HDC: variants seen among roughly 807,000 people sequenced by gnomAD.
HDC encodes the protein histidine decarboxylase.
Under a neutral mutation model 64.4 loss-of-function variants are expected in HDC, and 27 were observed. The ratio of observed to expected loss-of-function variants is 0.42; its 90% confidence interval spans 0.31 to 0.58. HDC has a LOEUF of 0.58. HDC is among the 20% of genes least tolerant of loss of function. The probability of loss-of-function intolerance (pLI) is 0.16; values close to 1 mark genes in which losing one functional copy is unlikely to be tolerated. For synonymous variants in HDC, 305 were observed against 314.2 expected (o/e 0.97, Z 0.31); for missense variants, 711 against 833.9 (o/e 0.85, Z 1.81).
chr15:50,252,323 T>A, intron 9 of HDC, 107 bp downstream of exon 9: 1 of 811,730 alleles, frequency 1.2e-6, no homozygotes, highest in Admixed American at 1.8e-5. Context: ...GAGCTCATAG[T>A]GTGCTGCCTT....
chr15:50,242,129 T>G lies in HDC; in HGVS notation c.*131A>C. On this transcript the variant is annotated 3_prime_UTR_variant, in exon 12 of 12. Transcript: ENST00000267845. ...TGTGGGTCATGAACCCCTATGAGAA[T>G]TTGATTAAAATTATGAACTCGCCCC... is the stretch of plus-strand genomic sequence containing the variant. 1 of 814,542 alleles carries G rather than the reference T, an allele frequency of 1.2e-6. No homozygotes were observed. Among genetic ancestry groups the G allele is most frequent in the South Asian group, 1.4e-5 (1 of 70,678 alleles). 50.5% of individuals were successfully genotyped at this position (814,542 alleles called of 1,614,324 possible). A position where few individuals can be genotyped will look rare whatever the true frequency, so the allele number is the denominator to read the frequency against.
intron 9 of HDC, among the ~76,000 whole-genome samples, chr15:50,252,141 T>TGGTA (rs560924925): frequency 6.2e-4 from 95 of 152,236 alleles, no homozygotes; most frequent in African/African-American, 2.2e-3. Flanking sequence ...GGTCCACCTG[T>TGGTA]GGTAGGAAGA....
intron 4 of HDC, 46 bp from the exon 5 acceptor site, chr15:50,254,710 G>A (rs771685226): frequency 1.2e-6 from 2 of 1,602,250 alleles, no homozygotes; most frequent in Non-Finnish European, 1.7e-6. Context: ...GTATTCTCTT[G>A]CCAAATTTCC....
chr15:50,253,857 G>A (rs1261187855), intron 6 of HDC, 191 bp from the exon 7 acceptor site: 4 of 649,534 alleles, frequency 6.2e-6, no homozygotes. Flanking sequence ...GTATACGTGT[G>A]TATTTGAAAA....
At chr15:50,259,783 A>T (rs1001095615) in intron 2 of HDC, among the ~76,000 whole-genome samples, 5 of 152,184 alleles carry the variant, frequency 3.3e-5, no homozygotes, top group African/African-American at 1.2e-4. Context: ...GACTCATTTG[A>T]TAACATCTTA....
rs1219876628 is a variant in HDC at position 50,251,374 on chromosome 15, A to T, written c.1041+1056T>A. On this transcript the variant is annotated intron_variant, in intron 9 of 11. Transcript: ENST00000267845. ...TGCTAGGTGATCCACACGTGTTCCC[A>T]TTTAAGCTTCACAATACCCTATGAA... is the stretch of plus-strand genomic sequence containing the variant. 2.0e-5 allele frequency among the ~76,000 whole-genome samples: 3 copies of T among 152,210 alleles called. No homozygotes were observed. The East Asian group carries it at 5.8e-4, about 29-fold the overall frequency.
rs769044949 is a variant in HDC, at chr15:50,243,235, T to C, written c.1150A>G (p.Met384Val). The C allele has an allele frequency of 1.9e-6, 3 of 1,606,058 alleles. No individual in the cohort carries two copies. The highest frequency in any genetic ancestry group is 1.7e-6 in the Non-Finnish European group (2 of 1,172,596). The change falls in exon 11 of 12, where the codon ATG (methionine) becomes GTG (valine). Residue 384 changes from methionine (M) to valine (V), a missense_variant. This residue lies in a region of HDC where 483 missense variants were observed against 540.9 expected (regional missense o/e 0.89). Transcript: ENST00000267845. Reference protein sequence around the residue: ...LQAHVRHGTEMAKYFESLVRN... With the variant: ...LQAHVRHGTEVAKYFESLVRN... Reference sequence around the variant, plus strand: ...ACCAGAGATTCAAAATATTTAGCCATTTCAGTACCCTGGAATTGCAAGTAT... The same window carrying C: ...ACCAGAGATTCAAAATATTTAGCCACTTCAGTACCCTGGAATTGCAAGTAT...
chr15:50,257,434 G>A lies in HDC; in HGVS notation c.432C>T (p.Gly144=), dbSNP rs757801293. Residue 144 remains glycine (G), a synonymous_variant, in exon 4 of 12, where the codon GGC becomes GGT. Coordinates refer to ENST00000267845, the MANE Select transcript of HDC (RefSeq NM_002112.4). Reference sequence around the variant, plus strand: ...TTGCCAAGGGAGGTACCTGCAGGACGCCTCCGCCCTGGCTGCTGGGGTGGT... The same window carrying A: ...TTGCCAAGGGAGGTACCTGCAGGACACCTCCGCCCTGGCTGCTGGGGTGGT... ...LHHHPSSQGG[G]VLQSTVSEST... is the part of the protein sequence containing the mutation. 1.4e-5 allele frequency: 23 copies of A among 1,614,114 alleles called. No individual in the cohort carries two copies. The highest frequency in any genetic ancestry group is 3.3e-4 in the Middle Eastern group (2 of 6,084).
Position 50,264,456 on chromosome 15 carries a change from C to G in HDC, c.32-1049G>C, listed in dbSNP as rs886458935. Among the ~76,000 whole-genome samples, 15 of 150,928 alleles carry G rather than the reference C, an allele frequency of 9.9e-5. 1 individual carries two copies. The highest frequency in any genetic ancestry group is 3.7e-4 in the African/African-American group (15 of 41,030). On this transcript the variant is annotated intron_variant, in intron 1 of 11. Transcript: ENST00000267845. ...CAGTGCTTAGGATATTTTTTAGATG[C>G]TAAAAAAAAATGTATCAAGTGAATG...
intron 2 of HDC, among the ~76,000 whole-genome samples, chr15:50,260,498 G>C (rs1468968492): frequency 6.6e-6 from 1 of 152,172 alleles, no homozygotes; most frequent in African/African-American, 2.4e-5. Flanking sequence ...GAAATGTTAA[G>C]CTCTAACATT....
intron 1 of HDC, among the ~76,000 whole-genome samples, chr15:50,265,359 G>A (rs2045753742): frequency 6.6e-6 from 1 of 152,016 alleles, no homozygotes; most frequent in African/African-American, 2.4e-5. Context: ...ACGGTAGTGT[G>A]GACATATGTG....
At chr15:50,255,035 T>C (rs1214246845) in intron 4 of HDC, among the ~76,000 whole-genome samples, 2 of 152,156 alleles carry the variant, frequency 1.3e-5, no homozygotes, top group Non-Finnish European at 2.9e-5. Flanking sequence ...ATTACACAAA[T>C]GGATATGGAG....
chr15:50,253,797 GT>G, intron 6 of HDC, 131 bp from the exon 7 acceptor site: 1 of 770,398 alleles, frequency 1.3e-6, no homozygotes, highest in Non-Finnish European at 2.3e-6. Context: ...TTCAGACTGT[GT>G]TTTACCATGG....
intron 4 of HDC, 84 bp from the exon 5 acceptor site, chr15:50,254,748 C>A (rs984940443): frequency 1.5e-5 from 11 of 746,132 alleles, no homozygotes; most frequent in Non-Finnish European, 2.3e-5. Context: ...TTCTCTCTCT[C>A]TCTCTCTCTC....
At chr15:50,251,322 T>C (rs1035187859) in intron 9 of HDC, among the ~76,000 whole-genome samples, 1 of 152,242 alleles carries the variant, frequency 6.6e-6, no homozygotes, top group Admixed American at 6.5e-5. Context: ...GCCTACCATA[T>C]ATTGAGCACT....
intron 9 of HDC, among the ~76,000 whole-genome samples, chr15:50,250,055 C>G (rs375753074): frequency 6.6e-6 from 1 of 152,236 alleles, no homozygotes; most frequent in African/African-American, 2.4e-5. Context: ...GCTAAGGTAA[C>G]GCTCCCTCCA....
intron 9 of HDC, among the ~76,000 whole-genome samples, chr15:50,251,114 C>T (rs1233411046): frequency 6.6e-6 from 1 of 152,170 alleles, no homozygotes; most frequent in Non-Finnish European, 1.5e-5. Flanking sequence ...CCTAAGAAGC[C>T]AGAACTGTGG....
chr15:50,254,395 T>TCTTCCCTACA (rs2045598885), intron 5 of HDC, 122 bp from the exon 6 acceptor site: 1 of 1,525,856 alleles, frequency 6.6e-7, no homozygotes. Context: ...TTCCCTACAG[T>TCTTCCCTACA]TGCTGGAGAC....
intron 2 of HDC, among the ~76,000 whole-genome samples, chr15:50,259,472 C>T (rs554452737): frequency 6.6e-6 from 1 of 152,268 alleles, no homozygotes; most frequent in South Asian, 2.1e-4. Context: ...GAAGGGCCCC[C>T]CATCAGAACT....
Sources: allele counts gnomAD v4.1 joint callset (sites outside exome capture counted in the v4.1 genomes callset), GRCh38; gene constraint gnomAD v4.1.1; regional missense constraint gnomAD v4.1.1; transcripts MANE v1.5; gene names NCBI Gene and HGNC (gene_info 2026-07-23, HGNC 2026-07-21).